Variants in RGS7 observed in about 807,000 individuals in gnomAD.
The protein encoded by RGS7 is regulator of G-protein signaling 7.
In RGS7, 27 loss-of-function variants were observed where a neutral mutation model predicts 81.1. The observed-to-expected ratio is 0.33, with a 90% confidence interval of 0.25 to 0.46. RGS7 has a LOEUF of 0.46. RGS7 is among the 20% of genes least tolerant of loss of function. RGS7 has a pLI of 1.00. For missense variants in RGS7, 396 were observed against 607.4 expected (o/e 0.65, Z 3.66); for synonymous variants, 208 against 207.7 (o/e 1.00, Z -0.01).
chr1:241,008,357 T>C (rs1394025411), intron 3 of RGS7, among the ~76,000 whole-genome samples: 1 of 152,204 alleles, frequency 6.6e-6, no homozygotes, highest in Non-Finnish European at 1.5e-5. Context: ...CACATTTCAA[T>C]GTGCGTATAA....
chr1:241,355,660 G>C, intron 2 of RGS7, 39 bp downstream of exon 2: 1 of 1,576,966 alleles, frequency 6.3e-7, no homozygotes, highest in Non-Finnish European at 8.7e-7. Flanking sequence ...GAGAAAGCCG[G>C]AAGTTTCCCG....
intron 4 of RGS7, among the ~76,000 whole-genome samples, chr1:240,945,415 C>T (rs1030793229): frequency 1.4e-4 from 22 of 152,168 alleles, no homozygotes; most frequent in African/African-American, 4.8e-4. Flanking sequence ...TTTTCAAAAA[C>T]TAGTTGTAAA....
intron 2 of RGS7, among the ~76,000 whole-genome samples, chr1:241,270,547 C>T (rs4660051): frequency 0.53 from 81,163 of 151,946 alleles, 22,821 homozygotes; most frequent in East Asian, 0.7. Context: ...AAAACTGAAG[C>T]GGTTTTCTCC....
intron 6 of RGS7, among the ~76,000 whole-genome samples, chr1:240,928,920 C>T (rs1228435979): frequency 6.6e-6 from 1 of 152,118 alleles, no homozygotes; most frequent in Non-Finnish European, 1.5e-5. Flanking sequence ...TGGGAATTTG[C>T]TTTTCAACAG....
intron 2 of RGS7, among the ~76,000 whole-genome samples, chr1:241,221,323 T>A (rs1003452827): frequency 2.0e-5 from 3 of 152,318 alleles, no homozygotes; most frequent in Non-Finnish European, 4.4e-5. Context: ...AATATTTATG[T>A]CTCCATGTCT....
chr1:241,321,201 A>G (rs898057962), intron 2 of RGS7, among the ~76,000 whole-genome samples: 1 of 152,234 alleles, frequency 6.6e-6, no homozygotes, highest in Non-Finnish European at 1.5e-5. Flanking sequence ...GTATCATGAC[A>G]GAGAAGTGTT....
chr1:240,918,586 T>G (rs1339001066), intron 6 of RGS7, among the ~76,000 whole-genome samples: 1 of 152,068 alleles, frequency 6.6e-6, no homozygotes, highest in Non-Finnish European at 1.5e-5. Flanking sequence ...ATTCACAGGA[T>G]GTAGTGAAAG....
chr1:241,266,117 C>A (rs1334565250), intron 2 of RGS7, among the ~76,000 whole-genome samples: 2 of 152,104 alleles, frequency 1.3e-5, no homozygotes, highest in African/African-American at 4.8e-5. Flanking sequence ...GCATTCAAGA[C>A]AGACTTGTTT....
chr1:240,860,016 C>T (rs978659762), intron 9 of RGS7, among the ~76,000 whole-genome samples: 9 of 152,104 alleles, frequency 5.9e-5, no homozygotes, highest in African/African-American at 2.2e-4. Context: ...TTGAGATATT[C>T]TAGCTGTTCT....
At chr1:241,252,591 G>C (rs1203092035) in intron 2 of RGS7, among the ~76,000 whole-genome samples, 3 of 152,194 alleles carry the variant, frequency 2.0e-5, no homozygotes, top group Non-Finnish European at 4.4e-5. Context: ...ATTCTATGAT[G>C]TGATGCCCTT....
chr1:241,227,604 G>T (rs2075386731), intron 2 of RGS7, among the ~76,000 whole-genome samples: 1 of 143,420 alleles, frequency 7.0e-6, no homozygotes, highest in South Asian at 2.2e-4. Flanking sequence ...ACAATTAGCT[G>T]GGCATGGTGG....
At chr1:240,966,580 CTCAT>C (rs1304990742) in intron 4 of RGS7, among the ~76,000 whole-genome samples, 7 of 152,154 alleles carry the variant, frequency 4.6e-5, no homozygotes, top group Non-Finnish European at 7.3e-5. Flanking sequence ...GCTCATAAAA[CTCAT>C]TTTCTATGGA....
At chr1:241,283,326 G>C (rs1006760647) in intron 2 of RGS7, among the ~76,000 whole-genome samples, 44 of 152,120 alleles carry the variant, frequency 2.9e-4, no homozygotes, top group African/African-American at 1.0e-3. Flanking sequence ...TCTTACAGCA[G>C]GTCTGCTGGC....
chr1:241,229,244 C>T (rs1255974211), intron 2 of RGS7, among the ~76,000 whole-genome samples: 1 of 152,122 alleles, frequency 6.6e-6, no homozygotes, highest in Non-Finnish European at 1.5e-5. Context: ...GACCTTGCTC[C>T]CCAAGAAAAA....
At chr1:240,989,250 C>CTG (rs1686108839) in intron 3 of RGS7, among the ~76,000 whole-genome samples, 1 of 150,586 alleles carries the variant, frequency 6.6e-6, no homozygotes, top group Non-Finnish European at 1.5e-5. Flanking sequence ...CCATCCTGGC[C>CTG]AACATGGTGA....
chr1:240,906,570 T>A (rs1293108694), intron 6 of RGS7, among the ~76,000 whole-genome samples: 1 of 152,170 alleles, frequency 6.6e-6, no homozygotes, highest in Non-Finnish European at 1.5e-5. Context: ...CATTTCTACC[T>A]CCCTCTGGGG....
chr1:240,902,019 G>A (rs548602220), intron 6 of RGS7, among the ~76,000 whole-genome samples: 9 of 152,234 alleles, frequency 5.9e-5, no homozygotes, highest in Admixed American at 2.0e-4. Flanking sequence ...TAGAGCCATC[G>A]AAATGTTTTT....
rs1024772963 is a variant in RGS7, at chr1:240,868,491, G to C, written c.609+96C>G. ...ACCAAGATACCATGGAGCGTGCATG[G>C]GGTCACTACAGTCTTTCACTTACTT... is the stretch of plus-strand genomic sequence containing the variant. On this transcript the variant is annotated intron_variant, in intron 9 of 18. Transcript: ENST00000440928. This position sits in a 1 kb window ranked among gnomAD's most constrained non-coding sequence, Gnocchi z 5.1. 1.0e-6 allele frequency: 1 copy of C among 993,794 alleles called. No individual in the cohort carries two copies. The highest frequency in any genetic ancestry group is 1.6e-5 in the African/African-American group (1 of 62,898). 61.6% of individuals were successfully genotyped at this position (993,794 alleles called of 1,614,324 possible). A position where few individuals can be genotyped will look rare whatever the true frequency, so the allele number is the denominator to read the frequency against.
intron 2 of RGS7, among the ~76,000 whole-genome samples, chr1:241,348,049 G>T (rs550976953): frequency 1.3e-5 from 2 of 151,906 alleles, no homozygotes; most frequent in African/African-American, 4.8e-5. Flanking sequence ...CCAATCCAAT[G>T]GACACTAGCC....
Sources: allele counts gnomAD v4.1 joint callset (sites outside exome capture counted in the v4.1 genomes callset), GRCh38; gene constraint gnomAD v4.1.1; non-coding constraint Gnocchi (gnomAD v3.1); transcripts MANE v1.5; gene names NCBI Gene and HGNC (gene_info 2026-07-23, HGNC 2026-07-21).